DISC1: variants seen among roughly 807,000 people sequenced by gnomAD.
The protein encoded by DISC1 is DISC1 scaffold protein.
In DISC1, 57 loss-of-function variants were observed where a neutral mutation model predicts 84.5. The ratio of observed to expected loss-of-function variants is 0.67; its 90% confidence interval spans 0.55 to 0.84. The LOEUF (loss-of-function observed/expected upper bound fraction) is 0.84. Among genes scored for constraint, DISC1 ranks in the 40% least tolerant of loss-of-function variants. DISC1 has a pLI of 0.00. For missense variants in DISC1, 1,000 were observed against 1,057.8 expected, an observed-to-expected ratio of 0.95 and a Z score of 0.76; for synonymous variants, 411 against 415.2, an observed-to-expected ratio of 0.99 and a Z score of 0.12.
At position 231,897,877 on chromosome 1, in the gene DISC1, C is replaced by A. The variant is rs988123480; in HGVS notation, c.1982-60951C>A. On this transcript the variant is annotated intron_variant, in intron 9 of 12. Coordinates refer to ENST00000439617, the MANE Select transcript of DISC1 (RefSeq NM_018662.3). The surrounding 1 kb of genome is among the most constrained non-coding windows in gnomAD (Gnocchi z 4.5). ...CTTCAAAACTCAAGTGCTAAAACAC[C>A]AAAATAGTGTTATAGAGGCACATTC... 6.6e-6 allele frequency among the ~76,000 whole-genome samples: 1 copy of A among 152,024 alleles called. No individual in the cohort carries two copies. The highest frequency in any genetic ancestry group is 2.4e-5 in the African/African-American group (1 of 41,368).
chr1:231,759,526 CAAAAAAAA>C (rs767431903), intron 4 of DISC1, among the ~76,000 whole-genome samples: 10 of 48,294 alleles, frequency 2.1e-4, no homozygotes, highest in East Asian at 1.6e-3. Flanking sequence ...CCCATCTCTA[CAAAAAAAA>C]AAAAAAAAAA....
At chr1:231,879,042 A>C (rs909396803) in intron 9 of DISC1, among the ~76,000 whole-genome samples, 2 of 151,470 alleles carry the variant, frequency 1.3e-5, no homozygotes, top group Admixed American at 1.3e-4. Flanking sequence ...ACAGTACTAC[A>C]GGTTGAGTAT....
At chr1:231,792,202 A>G (rs1424298080) in intron 6 of DISC1, among the ~76,000 whole-genome samples, 1 of 152,208 alleles carries the variant, frequency 6.6e-6, no homozygotes, top group Non-Finnish European at 1.5e-5. Flanking sequence ...TATAAATCAA[A>G]TTAAATATAA....
intron 9 of DISC1, among the ~76,000 whole-genome samples, chr1:231,886,582 T>C (rs2086694879): frequency 1.3e-5 from 2 of 152,216 alleles, no homozygotes; most frequent in South Asian, 4.1e-4. Context: ...ACAAACAATA[T>C]GTGCTTCTTC....
At chr1:231,870,508 G>C (rs1458790232) in intron 9 of DISC1, among the ~76,000 whole-genome samples, 1 of 152,220 alleles carries the variant, frequency 6.6e-6, no homozygotes, top group Non-Finnish European at 1.5e-5. Context: ...GGCCCGAGCT[G>C]TCTGTTGGTG....
At chr1:232,030,037 A>G (rs1008762844) in intron 12 of DISC1, among the ~76,000 whole-genome samples, 1 of 152,212 alleles carries the variant, frequency 6.6e-6, no homozygotes, top group African/African-American at 2.4e-5. Context: ...ACACAAACCC[A>G]TCAGCTACTG....
chr1:231,923,128 A>C (rs1037288705), intron 9 of DISC1, among the ~76,000 whole-genome samples: 1 of 150,578 alleles, frequency 6.6e-6, no homozygotes, highest in East Asian at 1.9e-4. Flanking sequence ...ACACACACAC[A>C]AAAAAAAAGT....
At position 231,689,555 on chromosome 1, in the gene DISC1, C is replaced by T. The variant is rs972673785; in HGVS notation, c.68-4271C>T. ...CCATGTTGCCCAGGCTGGTCTTGAA[C>T]TCCTGACCTCAAGTGATCCACCCAC... On this transcript the variant is annotated intron_variant, in intron 1 of 12. Coordinates refer to ENST00000439617, the MANE Select transcript of DISC1 (RefSeq NM_018662.3). Among the ~76,000 whole-genome samples the T allele has an allele frequency of 5.3e-5, 8 of 152,246 alleles. No individual in the cohort carries two copies. In the South Asian group the frequency reaches 1.7e-3, roughly 32 times the overall value.
intron 1 of DISC1, among the ~76,000 whole-genome samples, chr1:231,647,057 C>T (rs1169345942): frequency 6.6e-6 from 1 of 152,184 alleles, no homozygotes; most frequent in African/African-American, 2.4e-5. Flanking sequence ...TGCAGAAGCT[C>T]TTTAGTTTAA....
intron 3 of DISC1, among the ~76,000 whole-genome samples, chr1:231,742,304 G>A (rs2073388557): frequency 6.6e-6 from 1 of 152,202 alleles, no homozygotes; most frequent in Non-Finnish European, 1.5e-5. Context: ...CAGAATGGAG[G>A]TAGGATGCAC....
At chr1:231,970,176 C>T (rs1451843507) in intron 10 of DISC1, among the ~76,000 whole-genome samples, 1 of 152,216 alleles carries the variant, frequency 6.6e-6, no homozygotes, top group Non-Finnish European at 1.5e-5. Flanking sequence ...AATTGCCACA[C>T]TGTCTTCCAC....
At chr1:231,870,796 T>C (rs1289251353) in intron 9 of DISC1, among the ~76,000 whole-genome samples, 2 of 152,250 alleles carry the variant, frequency 1.3e-5, no homozygotes, top group African/African-American at 4.8e-5. Flanking sequence ...ATTATTATGC[T>C]GTTGTCATTT....
At chr1:231,755,614 G>C (rs953259476) in intron 4 of DISC1, among the ~76,000 whole-genome samples, 2 of 151,830 alleles carry the variant, frequency 1.3e-5, no homozygotes, top group African/African-American at 4.8e-5. Context: ...CTTTTACTAA[G>C]TTTGCTATCT....
At chr1:231,717,714 A>G (rs961197767) in intron 3 of DISC1, among the ~76,000 whole-genome samples, 1 of 152,074 alleles carries the variant, frequency 6.6e-6, no homozygotes, top group Non-Finnish European at 1.5e-5. Flanking sequence ...CCATTCAATA[A>G]TTCTATGTGT....
At chr1:231,699,166 T>C (rs909242320) in intron 2 of DISC1, among the ~76,000 whole-genome samples, 1 of 152,138 alleles carries the variant, frequency 6.6e-6, no homozygotes, top group Admixed American at 6.6e-5. Flanking sequence ...GATCAAATGC[T>C]TCAGCGTAGA....
intron 1 of DISC1, among the ~76,000 whole-genome samples, chr1:231,678,281 G>A (rs565043717): frequency 2.6e-4 from 40 of 152,362 alleles, no homozygotes; most frequent in Admixed American, 2.0e-3. Context: ...GAGGACGAAT[G>A]TGTTATTTAC....
In DISC1 at chr1:231,693,960, C is replaced by A; in HGVS notation, c.202C>A (p.Pro68Thr). The change falls in exon 2 of 13, where the codon CCA becomes ACA. Residue 68 changes from proline to threonine, a missense_variant. By Grantham distance (38) the Pro-to-Thr change is conservative. This residue lies in a region of DISC1 where 292 missense variants were observed against 280.2 expected (regional missense o/e 1.04). Transcript: ENST00000439617. ...AGCAGTGGGCACACTGTTCCGGTTC[C>A]CAGGAGGGGTGTCTGGCGAGGAGTC... is the stretch of plus-strand genomic sequence containing the variant. ...SPAVGTLFRF[P>T]GGVSGEESHH... The A allele has an allele frequency of 1.2e-6, 2 of 1,614,118 alleles. No homozygotes were observed. Among genetic ancestry groups the A allele is most frequent in the Non-Finnish European group, 1.7e-6 (2 of 1,179,984 alleles).
At chr1:231,959,087 A>G in intron 10 of DISC1, 199 bp downstream of exon 10, 1 of 1,357,054 alleles carries the variant, frequency 7.4e-7, no homozygotes, top group South Asian at 1.8e-5. Context: ...AAGTAAGTAG[A>G]TTAAGATGTT....
At position 231,891,686 on chromosome 1, in the gene DISC1, T is replaced by C. The variant is rs544688849; in HGVS notation, c.1982-67142T>C. 2.6e-5 allele frequency among the ~76,000 whole-genome samples: 4 copies of C among 152,194 alleles called. No individual in the cohort carries two copies. In the South Asian group the frequency reaches 6.2e-4, roughly 24 times the overall value. On this transcript the variant is annotated intron_variant, in intron 9 of 12. Transcript: ENST00000439617. The stretch of plus-strand genomic sequence containing the variant: ...GTAAGATCCCAATAAGAGGAGTTGT[T>C]GGGTGGTGTGGGCGTCACCTGCTGT...
Sources: allele counts gnomAD v4.1 joint callset (sites outside exome capture counted in the v4.1 genomes callset), GRCh38; gene constraint gnomAD v4.1.1; regional missense constraint gnomAD v4.1.1; non-coding constraint Gnocchi (gnomAD v3.1); transcripts MANE v1.5; gene names NCBI Gene and HGNC (gene_info 2026-07-23, HGNC 2026-07-21).